Variants in KLHL41 observed in about 807,000 individuals in gnomAD.
KLHL41 encodes kelch-like protein 41.
Under a neutral mutation model 49.2 loss-of-function variants are expected in KLHL41, and 31 were observed. The observed-to-expected ratio is 0.63, with a 90% CI of 0.47 to 0.85. The LOEUF is 0.85. Ranked by LOEUF, KLHL41 falls within the 40% of genes least tolerant of loss-of-function variation. KLHL41 has a pLI of 0.00. For missense variants in KLHL41, 663 were observed against 726.7 expected (o/e 0.91, Z 1.01); for synonymous variants, 218 against 258.5 (o/e 0.84, Z 1.50).
chr2:169,524,513 T>G (rs181468543), intron 5 of KLHL41, among the ~76,000 whole-genome samples: 75 of 148,476 alleles, frequency 5.1e-4, no homozygotes, highest in Admixed American at 6.2e-4. Flanking sequence ...TTCTCTTGCC[T>G]CAGCCTCCGG....
At chr2:169,516,470 A>G (rs77322519) in intron 3 of KLHL41, among the ~76,000 whole-genome samples, 1 of 152,190 alleles carries the variant, frequency 6.6e-6, no homozygotes, top group African/African-American at 2.4e-5. Flanking sequence ...GCCAGATCTT[A>G]TTTTGGGCAT....
At chr2:169,518,604 G>A (rs191014421) in intron 4 of KLHL41, among the ~76,000 whole-genome samples, 127 of 152,256 alleles carry the variant, frequency 8.3e-4, no homozygotes, top group African/African-American at 2.8e-3. Flanking sequence ...TGACCCTTAA[G>A]TCAGTGTTGT....
intron 5 of KLHL41, among the ~76,000 whole-genome samples, chr2:169,522,768 G>C (rs1684221764): frequency 8.0e-6 from 1 of 125,316 alleles, no homozygotes; most frequent in South Asian, 2.6e-4. Flanking sequence ...TGTCACCCAG[G>C]CTGTAGTGCA....
intron 4 of KLHL41, among the ~76,000 whole-genome samples, chr2:169,518,845 T>G (rs1574352892): frequency 1.3e-5 from 2 of 152,130 alleles, no homozygotes; most frequent in East Asian, 3.9e-4. Context: ...AATTTTTGTT[T>G]TTGTTTTTGT....
At chr2:169,513,623 C>A (rs919345261) in intron 1 of KLHL41, among the ~76,000 whole-genome samples, 1 of 152,208 alleles carries the variant, frequency 6.6e-6, no homozygotes, top group Non-Finnish European at 1.5e-5. Context: ...CCTGTCTATA[C>A]CACAGCCATT....
At chr2:169,517,704 T>C (rs997528071) in intron 3 of KLHL41, among the ~76,000 whole-genome samples, 2 of 152,196 alleles carry the variant, frequency 1.3e-5, no homozygotes, top group Non-Finnish European at 2.9e-5. Flanking sequence ...CCAGATTTCT[T>C]AAAATGCACT....
chr2:169,520,997 G>A lies in KLHL41; in HGVS notation c.1699G>A (p.Asp567Asn). 6.2e-7 allele frequency: 1 copy of A among 1,613,032 alleles called. No individual in the cohort carries two copies. The highest frequency in any genetic ancestry group is 2.2e-5 in the East Asian group (1 of 44,858). ...AGAATTTGCACCCACTGAAGTCAAT[G>A]ACATATGGAAGTAAGTTCTCATCAC... ...SKEFAPTEVN[D>N]IWKYEDDKKE... Residue 567 changes from aspartate (D) to asparagine (N), a missense_variant, in exon 5 of 6, where the codon GAC becomes AAC. Physicochemically the swap from Asp to Asn is conservative, Grantham distance 23 (BLOSUM62 1). Transcript: ENST00000284669.
In KLHL41 at chr2:169,510,669, G is replaced by C; in HGVS notation, c.891G>C (p.Arg297Ser). 1.9e-6 allele frequency: 3 copies of C among 1,613,980 alleles called. No homozygotes were observed. The highest frequency in any genetic ancestry group is 2.5e-6 in the Non-Finnish European group (3 of 1,179,894). Residue 297 changes from arginine (R) to serine (S), a missense_variant, in exon 1 of 6, where the codon AGG becomes AGC. Arg to Ser is a moderately radical substitution (Grantham distance 110). This residue lies in a region of KLHL41 where 528 missense variants were observed against 581.0 expected (regional missense o/e 0.91). Coordinates refer to ENST00000284669, the MANE Select transcript of KLHL41 (RefSeq NM_006063.3). The surrounding 1 kb of genome is among the most constrained non-coding windows in gnomAD (Gnocchi z 4.2). The stretch of plus-strand genomic sequence containing the variant: ...CTGGTTACCTGAATGACATTCCCAG[G>C]CATGGAATGTTTGTAAAAGACCTCA... Reference protein sequence around the residue: ...LLPGYLNDIPRHGMFVKDLIL... With the variant: ...LLPGYLNDIPSHGMFVKDLIL...
chr2:169,513,091 C>T (rs1021047258), intron 1 of KLHL41, among the ~76,000 whole-genome samples: 1 of 152,026 alleles, frequency 6.6e-6, no homozygotes, highest in Non-Finnish European at 1.5e-5. Context: ...AGAAAGTGCC[C>T]TCTAACAGGT....
At chr2:169,520,314 G>GTGTGTGTGTGTGTGTGTGTGTA (rs1684183914) in intron 4 of KLHL41, among the ~76,000 whole-genome samples, 1 of 103,518 alleles carries the variant, frequency 9.7e-6, no homozygotes, top group Non-Finnish European at 2.1e-5. Flanking sequence ...GTGTGTGTAT[G>GTGTGTGTGTGTGTGTGTGTGTA]TGTGTGTGTG....
chr2:169,524,618 A>C (rs1015915415), intron 5 of KLHL41, among the ~76,000 whole-genome samples: 1 of 151,776 alleles, frequency 6.6e-6, no homozygotes, highest in East Asian at 1.9e-4. Context: ...GGCTGGTCTC[A>C]AACTCCTGAT....
At chr2:169,511,340 A>G (rs528642294) in intron 1 of KLHL41, among the ~76,000 whole-genome samples, 1 of 152,154 alleles carries the variant, frequency 6.6e-6, no homozygotes, top group Non-Finnish European at 1.5e-5. Flanking sequence ...GTGAGCCACC[A>G]CCCCCTGCTG....
At chr2:169,520,152 CTGTGTGTGTG>C (rs59155387) in intron 4 of KLHL41, among the ~76,000 whole-genome samples, 21,528 of 104,912 alleles carry the variant, frequency 0.21, 2,247 homozygotes, top group Middle Eastern at 0.29. Flanking sequence ...AGGCCTAGCT[CTGTGTGTGTG>C]TGTGTGTGTG....
At chr2:169,519,979 T>C (rs1344567127) in intron 4 of KLHL41, among the ~76,000 whole-genome samples, 1 of 151,994 alleles carries the variant, frequency 6.6e-6, no homozygotes, top group African/African-American at 2.4e-5. Context: ...CATTTACTTT[T>C]AGATGCCTGT....
At position 169,514,966 on chromosome 2, in the gene KLHL41, G is replaced by A. The variant is rs1684091092; in HGVS notation, c.1376+5G>A. 1 of 1,520,430 alleles carries A rather than the reference G, an allele frequency of 6.6e-7. No homozygotes were observed. The highest frequency in any genetic ancestry group is 1.4e-5 in the African/African-American group (1 of 72,116). 94.2% of individuals were successfully genotyped at this position (1,520,430 alleles called of 1,614,324 possible). ...AGGAGGAAAGACAGATGACAAGTAA[G>A]TACCCTGAACTCTCATGATTTATGT... is the stretch of plus-strand genomic sequence containing the variant. On this transcript the variant is annotated splice_donor_5th_base_variant and intron_variant, in intron 3 of 5. Transcript: ENST00000284669.
chr2:169,515,648 T>C (rs1208376942), intron 3 of KLHL41, among the ~76,000 whole-genome samples: 1 of 152,232 alleles, frequency 6.6e-6, no homozygotes, highest in Non-Finnish European at 1.5e-5. Flanking sequence ...TTAAAATATA[T>C]CTTCTAAGAC....
chr2:169,525,804 C>CAAG lies in KLHL41; in HGVS notation c.*112_*114dup. 3.3e-6 allele frequency: 2 copies of CAAG among 602,460 alleles called. No homozygotes were observed. The highest frequency in any genetic ancestry group is 5.8e-6 in the Non-Finnish European group (2 of 345,502). 37.3% of individuals were successfully genotyped at this position (602,460 alleles called of 1,614,324 possible). A position where few individuals can be genotyped will look rare whatever the true frequency, so the allele number is the denominator to read the frequency against. On this transcript the variant is annotated 3_prime_UTR_variant, in exon 6 of 6. Coordinates refer to ENST00000284669, the MANE Select transcript of KLHL41 (RefSeq NM_006063.3). ...TACAGACACTCATGTAGAAATTATTCAAGAAGTTATTGTCTAAGAGATGAG... is the reference window on the plus strand; with the variant it reads ...TACAGACACTCATGTAGAAATTATTCAAGAAGAAGTTATTGTCTAAGAGATGAG...
At chr2:169,514,476 C>A in intron 1 of KLHL41, 98 bp from the exon 2 acceptor site, 1 of 908,910 alleles carries the variant, frequency 1.1e-6, no homozygotes, top group Non-Finnish European at 1.7e-6. Flanking sequence ...TTGACTATCT[C>A]GATGACTTCT....
intron 3 of KLHL41, among the ~76,000 whole-genome samples, chr2:169,515,883 C>T (rs16856998): frequency 0.029 from 4,388 of 152,260 alleles, 222 homozygotes; most frequent in African/African-American, 0.1. Flanking sequence ...AAACTGAGCT[C>T]CCAGTAGCAC....
Sources: gnomAD v4.1 joint callset for allele counts (sites outside exome capture counted in the v4.1 genomes callset) on GRCh38, gnomAD v4.1.1 for gene constraint, gnomAD v4.1.1 regional missense constraint, Gnocchi (gnomAD v3.1) non-coding constraint, MANE v1.5 for transcripts, NCBI Gene and HGNC (gene_info 2026-07-23, HGNC 2026-07-21) for gene names.